XKR4: variants seen among roughly 807,000 people sequenced by gnomAD.
XKR4 encodes XK related 4.
XKR4 carries 12 observed loss-of-function variants against 53.9 expected under a neutral mutation model. That is an observed-to-expected ratio of 0.22 (90% CI 0.14 to 0.36). The LOEUF (loss-of-function observed/expected upper bound fraction) is 0.36, where lower values mean the gene tolerates loss of function less well. Among genes scored for constraint, XKR4 ranks in the 10% least tolerant of loss-of-function variants. XKR4 has a pLI of 1.00. For missense variants in XKR4, 799 were observed against 859.5 expected (o/e 0.93, Z 0.88); for synonymous variants, 354 against 362.4 (o/e 0.98, Z 0.26).
chr8:55,415,419 C>A (rs905802628), intron 2 of XKR4, among the ~76,000 whole-genome samples: 1 of 152,216 alleles, frequency 6.6e-6, no homozygotes, highest in East Asian at 1.9e-4. Context: ...AAGCTAAATA[C>A]ATAACAGCAA....
chr8:55,353,024 T>C (rs1803747614), intron 1 of XKR4, among the ~76,000 whole-genome samples: 1 of 152,182 alleles, frequency 6.6e-6, no homozygotes, highest in South Asian at 2.1e-4. Context: ...TGCTTTTATA[T>C]GATTGCAGGA....
intron 2 of XKR4, among the ~76,000 whole-genome samples, chr8:55,377,737 C>T (rs904443456): frequency 2.0e-5 from 3 of 152,314 alleles, no homozygotes; most frequent in Admixed American, 2.0e-4. Context: ...CCTTGATGTT[C>T]CCTCCCTTGC....
At chr8:55,449,425 C>T (rs1006202633) in intron 2 of XKR4, 8 of 690,050 alleles carry the variant, frequency 1.2e-5, no homozygotes, top group Middle Eastern at 4.0e-4. Flanking sequence ...CGGGCCGGGG[C>T]TGTAAACATG....
At chr8:55,184,318 G>A (rs1817350141) in intron 1 of XKR4, among the ~76,000 whole-genome samples, 1 of 152,110 alleles carries the variant, frequency 6.6e-6, no homozygotes, top group Admixed American at 6.6e-5. Flanking sequence ...GTAAGGGTGG[G>A]AGTGATACTT....
At chr8:55,516,346 G>A (rs368711149) in intron 2 of XKR4, among the ~76,000 whole-genome samples, 1 of 152,180 alleles carries the variant, frequency 6.6e-6, no homozygotes, top group Non-Finnish European at 1.5e-5. Flanking sequence ...ATTATGGTGA[G>A]AGTGTGAGGA....
At chr8:55,206,376 A>G (rs1020302976) in intron 1 of XKR4, among the ~76,000 whole-genome samples, 12 of 152,084 alleles carry the variant, frequency 7.9e-5, no homozygotes, top group African/African-American at 2.9e-4. Flanking sequence ...TGTGCTTACA[A>G]TCCTCTAGCT....
chr8:55,368,406 G>C (rs1430178514), intron 2 of XKR4, among the ~76,000 whole-genome samples: 1 of 152,156 alleles, frequency 6.6e-6, no homozygotes, highest in Non-Finnish European at 1.5e-5. Context: ...TGGCTCGTGT[G>C]AGTCCTGCAG....
At chr8:55,178,430 G>T (rs1817261307) in intron 1 of XKR4, among the ~76,000 whole-genome samples, 1 of 152,062 alleles carries the variant, frequency 6.6e-6, no homozygotes, top group Admixed American at 6.5e-5. Context: ...AGGTTAAAAG[G>T]GTTACTGAAC....
intron 1 of XKR4, among the ~76,000 whole-genome samples, chr8:55,133,143 A>C (rs1816581543): frequency 6.6e-6 from 1 of 152,240 alleles, no homozygotes; most frequent in Non-Finnish European, 1.5e-5. Context: ...ATCTAAATTC[A>C]TGTTCAAGAA....
intron 1 of XKR4, among the ~76,000 whole-genome samples, chr8:55,316,667 C>T (rs1271734337): frequency 2.0e-5 from 3 of 152,100 alleles, no homozygotes; most frequent in Non-Finnish European, 4.4e-5. Context: ...CTGGCCTGCC[C>T]CACCACATCC....
chr8:55,464,149 C>T (rs1222648848), intron 2 of XKR4, among the ~76,000 whole-genome samples: 1 of 152,082 alleles, frequency 6.6e-6, no homozygotes, highest in Non-Finnish European at 1.5e-5. Flanking sequence ...ATCCTGATAC[C>T]AAAGCCTGGC....
intron 1 of XKR4, among the ~76,000 whole-genome samples, chr8:55,173,700 C>A (rs1817193832): frequency 6.6e-6 from 1 of 152,166 alleles, no homozygotes; most frequent in Non-Finnish European, 1.5e-5. Flanking sequence ...ATAGCCTTTC[C>A]CAAGTATACT....
rs972346700 is a variant in XKR4, at chr8:55,407,707, G to A, written c.1006+49830G>A. Among the ~76,000 whole-genome samples the A allele has an allele frequency of 2.6e-5, 4 of 152,234 alleles. No homozygotes were observed. The South Asian group carries it at 8.3e-4, about 32-fold the overall frequency. On this transcript the variant is annotated intron_variant, in intron 2 of 2. Transcript: ENST00000327381. ...ATTTGTGGAGCACTGGGCACTAGAG[G>A]TGCTCACGGAAAAGACCGTTCCTAA...
chr8:55,148,077 A>C (rs542820532), intron 1 of XKR4, among the ~76,000 whole-genome samples: 26 of 152,324 alleles, frequency 1.7e-4, no homozygotes, highest in East Asian at 1.4e-3. Context: ...CATTTTACAA[A>C]ATTGCAAAAA....
At chr8:55,105,108 T>C (rs796861591) in intron 1 of XKR4, among the ~76,000 whole-genome samples, 5 of 152,330 alleles carry the variant, frequency 3.3e-5, no homozygotes, top group African/African-American at 1.2e-4. Flanking sequence ...TTTTTACAGA[T>C]TGATTCTTTA....
At chr8:55,149,982 G>A (rs985314152) in intron 1 of XKR4, among the ~76,000 whole-genome samples, 4 of 152,168 alleles carry the variant, frequency 2.6e-5, no homozygotes, top group African/African-American at 9.6e-5. Flanking sequence ...GGGAAAACCT[G>A]CTCTTCAAGC....
chr8:55,141,722 C>T (rs1816706785), intron 1 of XKR4, among the ~76,000 whole-genome samples: 1 of 149,124 alleles, frequency 6.7e-6, no homozygotes, highest in Admixed American at 6.7e-5. Flanking sequence ...TTCTGGTCCT[C>T]TTCCTCCCAG....
intron 1 of XKR4, among the ~76,000 whole-genome samples, chr8:55,281,670 C>A (rs757177943): frequency 1.5e-4 from 23 of 152,124 alleles, no homozygotes; most frequent in Non-Finnish European, 2.8e-4. Flanking sequence ...GCTGGGGAAC[C>A]CTGAGGGAAG....
At position 55,164,948 on chromosome 8, in the gene XKR4, C is replaced by T. The variant is rs1056899101; in HGVS notation, c.806+61654C>T. 3.3e-5 allele frequency among the ~76,000 whole-genome samples: 5 copies of T among 152,132 alleles called. No homozygotes were observed. In the East Asian group the frequency reaches 5.8e-4, roughly 18 times the overall value. On this transcript the variant is annotated intron_variant, in intron 1 of 2. Transcript: ENST00000327381. ...CCCATGTCCTATAGACCCTGTGTTC[C>T]GGATCCATCCTTTGAATTCACTCGG...
Sources: allele counts gnomAD v4.1 joint callset (sites outside exome capture counted in the v4.1 genomes callset), GRCh38; gene constraint gnomAD v4.1.1; transcripts MANE v1.5; gene names NCBI Gene and HGNC (gene_info 2026-07-23, HGNC 2026-07-21).